Variants in TRIM9 observed in about 807,000 individuals in gnomAD.
TRIM9 encodes the protein E3 ubiquitin-protein ligase TRIM9.
A neutral mutation model predicts 78.3 loss-of-function variants in TRIM9; 26 were observed. The observed-to-expected ratio is 0.33, with a 90% CI of 0.24 to 0.46. TRIM9 has a LOEUF of 0.46. TRIM9 is among the 20% of genes least tolerant of loss of function. The pLI is 1.00. For synonymous variants in TRIM9, 398 were observed against 416.5 expected (o/e 0.96, Z 0.54); for missense variants, 787 against 1,036.4 (o/e 0.76, Z 3.30).
chr14:51,056,224 A>G (rs1038707009), intron 1 of TRIM9, among the ~76,000 whole-genome samples: 1 of 152,266 alleles, frequency 6.6e-6, no homozygotes, highest in Non-Finnish European at 1.5e-5. Context: ...TAACCAGACC[A>G]GAAATTGGTC....
intron 1 of TRIM9, among the ~76,000 whole-genome samples, chr14:51,049,130 C>T (rs1250046474): frequency 6.6e-6 from 1 of 152,162 alleles, no homozygotes; most frequent in South Asian, 2.1e-4. Flanking sequence ...AGCGCAGTCC[C>T]GGCTCACTGC....
chr14:51,086,160 G>A (rs1566651721), intron 1 of TRIM9, among the ~76,000 whole-genome samples: 1 of 152,210 alleles, frequency 6.6e-6, no homozygotes, highest in Non-Finnish European at 1.5e-5. Context: ...ATAAAACTGT[G>A]CTTTATAGGT....
intron 1 of TRIM9, among the ~76,000 whole-genome samples, chr14:51,071,063 A>G (rs955797543): frequency 6.6e-6 from 1 of 152,124 alleles, no homozygotes; most frequent in Non-Finnish European, 1.5e-5. Flanking sequence ...TGGGGACGAC[A>G]AAATAAGAAT....
intron 7 of TRIM9, chr14:50,996,120 C>G: frequency 1.0e-6 from 1 of 985,260 alleles, no homozygotes; most frequent in East Asian, 1.1e-4. Context: ...TACTTCTGTG[C>G]AGTAACAGAG....
intron 5 of TRIM9, among the ~76,000 whole-genome samples, chr14:51,007,199 C>T (rs1241436067): frequency 6.6e-6 from 1 of 152,164 alleles, no homozygotes; most frequent in East Asian, 1.9e-4. Context: ...CTTTCTATTG[C>T]TCTTTTGTGA....
At chr14:51,067,011 G>A (rs186650768) in intron 1 of TRIM9, among the ~76,000 whole-genome samples, 132 of 152,280 alleles carry the variant, frequency 8.7e-4, no homozygotes, top group Non-Finnish European at 4.1e-4. Context: ...CAGGACTGAT[G>A]ACTTCTAAAT....
At chr14:51,035,987 C>A (rs547628284) in intron 1 of TRIM9, among the ~76,000 whole-genome samples, 10 of 152,324 alleles carry the variant, frequency 6.6e-5, no homozygotes, top group African/African-American at 2.4e-4. Context: ...TAGTTTCACG[C>A]CTTCAATCAC....
intron 1 of TRIM9, among the ~76,000 whole-genome samples, chr14:51,028,357 A>G (rs931600518): frequency 1.3e-5 from 2 of 152,232 alleles, no homozygotes; most frequent in African/African-American, 2.4e-5. Flanking sequence ...CTATCACTAG[A>G]AAGTGCTCTT....
intron 1 of TRIM9, among the ~76,000 whole-genome samples, chr14:51,053,719 G>T (rs540561173): frequency 6.7e-6 from 1 of 148,812 alleles, no homozygotes; most frequent in East Asian, 1.9e-4. Context: ...CTAGCATTAG[G>T]TATATCTCCC....
rs17123356 is a variant in TRIM9, at chr14:50,992,275, A to G, written c.1603+5775T>C. On this transcript the variant is annotated intron_variant, in intron 7 of 12. Coordinates refer to ENST00000684578, the MANE Select transcript of TRIM9 (RefSeq NM_001387360.1). ...GCAGTACTTATGCTGGACCAAAATCACTATTAAATATGAGCAAAGGAGCTG... is the reference window on the plus strand; with the variant it reads ...GCAGTACTTATGCTGGACCAAAATCGCTATTAAATATGAGCAAAGGAGCTG... 3.2e-3 allele frequency among the ~76,000 whole-genome samples: 489 copies of G among 152,268 alleles called. 3 individuals are homozygous for G. The highest frequency in any genetic ancestry group is 0.011 in the African/African-American group (457 of 41,560).
At chr14:51,090,794 C>A (rs1216483167) in intron 1 of TRIM9, 1 of 152,132 alleles carries the variant, frequency 6.6e-6, no homozygotes, top group Non-Finnish European at 1.5e-5. Context: ...AATGGAGTCT[C>A]AACATGCTGG....
chr14:51,069,775 T>A (rs1438630002), intron 1 of TRIM9, among the ~76,000 whole-genome samples: 1 of 152,236 alleles, frequency 6.6e-6, no homozygotes, highest in African/African-American at 2.4e-5. Flanking sequence ...TTTGCCAGTC[T>A]ATGCCATTTG....
chr14:51,091,503 C>T (rs892922137), intron 1 of TRIM9, among the ~76,000 whole-genome samples: 4 of 152,176 alleles, frequency 2.6e-5, no homozygotes, highest in African/African-American at 9.7e-5. Context: ...AATTCTGGCC[C>T]ATGGGCTTTT....
chr14:51,065,117 C>G (rs528416400), intron 1 of TRIM9, among the ~76,000 whole-genome samples: 5 of 152,226 alleles, frequency 3.3e-5, no homozygotes, highest in African/African-American at 1.2e-4. Context: ...CTGGTTTCCT[C>G]AGAGCTTTGT....
chr14:51,069,536 C>G (rs867507677), intron 1 of TRIM9, among the ~76,000 whole-genome samples: 7 of 152,212 alleles, frequency 4.6e-5, no homozygotes, highest in Non-Finnish European at 7.3e-5. Context: ...CTAGGCTGCA[C>G]TGAGAAACTG....
At chr14:51,019,723 G>A (rs1432416475) in intron 3 of TRIM9, among the ~76,000 whole-genome samples, 1 of 152,160 alleles carries the variant, frequency 6.6e-6, no homozygotes, top group East Asian at 1.9e-4. Context: ...TAAGTGCTTT[G>A]CAATGCCCTA....
intron 1 of TRIM9, among the ~76,000 whole-genome samples, chr14:51,087,783 T>G (rs1305659221): frequency 6.6e-6 from 1 of 152,260 alleles, no homozygotes; most frequent in Non-Finnish European, 1.5e-5. Flanking sequence ...CTTTTCATAT[T>G]GTCTTTTTCT....
intron 7 of TRIM9, among the ~76,000 whole-genome samples, chr14:50,993,938 A>C (rs1479954313): frequency 6.6e-6 from 1 of 152,204 alleles, no homozygotes; most frequent in East Asian, 1.9e-4. Context: ...AAAGTATAGT[A>C]CTAAGAATAA....
chr14:51,070,121 T>C (rs1161067005), intron 1 of TRIM9, among the ~76,000 whole-genome samples: 2 of 152,190 alleles, frequency 1.3e-5, no homozygotes, highest in Admixed American at 6.6e-5. Flanking sequence ...TGGTGGTGCA[T>C]TTGCTGTTTA....
Sources: allele counts gnomAD v4.1 joint callset (sites outside exome capture counted in the v4.1 genomes callset), GRCh38; gene constraint gnomAD v4.1.1; transcripts MANE v1.5; gene names NCBI Gene and HGNC (gene_info 2026-07-23, HGNC 2026-07-21).